Variants in NF1 observed in about 807,000 individuals in gnomAD.
The protein encoded by NF1 is neurofibromin.
NF1 carries 122 observed loss-of-function variants against 325.7 expected under a neutral mutation model. The ratio of observed to expected loss-of-function variants is 0.37; its 90% CI spans 0.32 to 0.44. The LOEUF is 0.44. NF1 is among the 20% of genes least tolerant of loss of function. NF1 has a pLI of 1.00. For missense variants in NF1, 2,140 were observed against 3,415.4 expected (o/e 0.63, Z 9.31); for synonymous variants, 1,091 against 1,186.0 (o/e 0.92, Z 1.65).
intron 1 of NF1, among the ~76,000 whole-genome samples, chr17:31,125,845 T>A (rs1024285807): frequency 6.6e-6 from 1 of 152,206 alleles, no homozygotes; most frequent in Non-Finnish European, 1.5e-5. Context: ...CACCAAATTA[T>A]TTTTTAAAGT....
intron 1 of NF1, 50 bp from the exon 2 acceptor site, chr17:31,155,933 C>T (rs767042846): frequency 2.5e-6 from 4 of 1,580,058 alleles, no homozygotes; most frequent in South Asian, 2.3e-5. Flanking sequence ...TATTTATGGT[C>T]GTTTTTAAGG....
chr17:31,288,522 G>GTT lies in NF1; in HGVS notation c.4835+23206_4835+23207dup, dbSNP rs200926157. On this transcript the variant is annotated intron_variant, in intron 36 of 57. Coordinates refer to ENST00000358273, the MANE Select transcript of NF1 (RefSeq NM_001042492.3). ...GCCCAGAACTAGTTTTTTTTGCTTT[G>GTT]TTTTTTTTTTTTTTTTTTTTTTTTG... Among the ~76,000 whole-genome samples the GTT allele has an allele frequency of 4.1e-3, 495 of 119,502 alleles. 2 individuals are homozygous for GTT. Among genetic ancestry groups the GTT allele is most frequent in the Non-Finnish European group, 6.3e-3 (333 of 52,980 alleles). The allele number at this position is 119,502 out of a possible 152,430, so 78.4% of individuals were successfully genotyped here. A position where few individuals can be genotyped will look rare whatever the true frequency, so the allele number is the denominator to read the frequency against.
At chr17:31,241,114 GCAATCCA>G (rs934473201) in intron 29 of NF1, among the ~76,000 whole-genome samples, 2 of 152,182 alleles carry the variant, frequency 1.3e-5, no homozygotes, top group African/African-American at 4.8e-5. Context: ...CTGACCTCAA[GCAATCCA>G]CCCGCCTCGG....
intron 30 of NF1, chr17:31,250,451 GC>G (rs2067475446): frequency 4.8e-6 from 1 of 209,372 alleles, no homozygotes; most frequent in South Asian, 1.8e-4. Flanking sequence ...GTTTCAGAGA[GC>G]AAGTGGGTTT....
rs368423669 is a variant in NF1, at chr17:31,142,823, C to T, written c.61-13160C>T. 2.6e-4 allele frequency among the ~76,000 whole-genome samples: 39 copies of T among 151,400 alleles called. No homozygotes were observed. The East Asian group carries it at 3.5e-3, about 14-fold the overall frequency. On this transcript the variant is annotated intron_variant, in intron 1 of 57. Coordinates refer to ENST00000358273, the MANE Select transcript of NF1 (RefSeq NM_001042492.3). Reference sequence around the variant, plus strand: ...CGGAGCTTGCAGTGAACCGAGATCGCGCCACTGTACTCCAGCCTGGGCGAT... The same window carrying T: ...CGGAGCTTGCAGTGAACCGAGATCGTGCCACTGTACTCCAGCCTGGGCGAT...
intron 12 of NF1, among the ~76,000 whole-genome samples, chr17:31,212,665 G>A (rs948692275): frequency 3.3e-5 from 5 of 152,168 alleles, no homozygotes; most frequent in South Asian, 4.1e-4. Context: ...AGCCGAGATC[G>A]CGCCACTGCA....
intron 18 of NF1, among the ~76,000 whole-genome samples, chr17:31,226,947 A>C (rs2067025748): frequency 6.6e-6 from 1 of 152,200 alleles, no homozygotes; most frequent in Non-Finnish European, 1.5e-5. Flanking sequence ...TATGTAATTT[A>C]CTCTGCCTAA....
chr17:31,122,200 A>G (rs1177804238), intron 1 of NF1, among the ~76,000 whole-genome samples: 1 of 152,096 alleles, frequency 6.6e-6, no homozygotes, highest in Non-Finnish European at 1.5e-5. Context: ...GAGCCAGGGT[A>G]CTCATTATAG....
intron 49 of NF1, 42 bp from the exon 50 acceptor site, chr17:31,350,141 T>G: frequency 1.2e-6 from 2 of 1,612,340 alleles, no homozygotes; most frequent in Non-Finnish European, 1.7e-6. Context: ...GTCACACTTG[T>G]GATTTGTTAA....
At chr17:31,095,507 AG>A in intron 1 of NF1, 138 bp downstream of exon 1, 1 of 419,576 alleles carries the variant, frequency 2.4e-6, no homozygotes, top group Non-Finnish European at 3.9e-6. Context: ...AGAGAAGGGA[AG>A]GGGGGATAAG....
intron 36 of NF1, chr17:31,319,006 G>T (rs775494843): frequency 6.3e-7 from 1 of 1,599,588 alleles, no homozygotes. Flanking sequence ...TTCCATGTCC[G>T]TGGGCATGCT....
intron 36 of NF1, among the ~76,000 whole-genome samples, chr17:31,269,678 C>T (rs187657436): frequency 7.9e-5 from 12 of 152,274 alleles, no homozygotes; most frequent in Admixed American, 1.3e-4. Context: ...TTCTTTGTGT[C>T]GGTTTTATTC....
intron 1 of NF1, among the ~76,000 whole-genome samples, chr17:31,111,527 T>G (rs1913414087): frequency 6.6e-6 from 1 of 152,166 alleles, no homozygotes; most frequent in Non-Finnish European, 1.5e-5. Flanking sequence ...AAAGGCACTG[T>G]GTTCAAAGGA....
At chr17:31,158,459 T>G (rs1448165658) in intron 2 of NF1, among the ~76,000 whole-genome samples, 4 of 152,200 alleles carry the variant, frequency 2.6e-5, no homozygotes, top group Non-Finnish European at 5.9e-5. Flanking sequence ...CCAGTTATAT[T>G]GAAATATTTT....
intron 31 of NF1, among the ~76,000 whole-genome samples, chr17:31,256,547 A>G (rs2067586715): frequency 6.6e-6 from 1 of 152,212 alleles, no homozygotes; most frequent in African/African-American, 2.4e-5. Context: ...GTGTGAATGC[A>G]TACATTCATT....
chr17:31,278,511 T>TTTTTTTTTTTTTTTTTTTTTTTTTTA (rs2068056342), intron 36 of NF1, among the ~76,000 whole-genome samples: 1 of 131,232 alleles, frequency 7.6e-6, no homozygotes, highest in African/African-American at 3.5e-5. Flanking sequence ...TTTTTTTTTT[T>TTTTTTTTTTTTTTTTTTTTTTTTTTA]TTTTTTTTTT....
At chr17:31,367,612 A>G (rs2070552143) in intron 57 of NF1, among the ~76,000 whole-genome samples, 1 of 152,190 alleles carries the variant, frequency 6.6e-6, no homozygotes, top group Non-Finnish European at 1.5e-5. Flanking sequence ...AAGTTTTTTT[A>G]GCTTAGAAAA....
At chr17:31,305,717 C>A in intron 36 of NF1, 1 of 1,130,176 alleles carries the variant, frequency 8.8e-7, no homozygotes, top group Non-Finnish European at 1.2e-6. Flanking sequence ...TGATTCCTGG[C>A]ATAAAGTAGG....
intron 13 of NF1, among the ~76,000 whole-genome samples, chr17:31,217,368 GT>G (rs2066837420): frequency 2.0e-5 from 3 of 151,392 alleles, no homozygotes; most frequent in African/African-American, 7.3e-5. Flanking sequence ...CTAGAGTGCA[GT>G]GGTGTGATCT....
Sources: allele counts gnomAD v4.1 joint callset (sites outside exome capture counted in the v4.1 genomes callset), GRCh38; gene constraint gnomAD v4.1.1; transcripts MANE v1.5; gene names NCBI Gene and HGNC (gene_info 2026-07-23, HGNC 2026-07-21).